UPF2: variants seen among roughly 807,000 people sequenced by gnomAD.
UPF2 encodes the protein UPF2 regulator of nonsense mediated mRNA decay.
In UPF2, 17 loss-of-function variants were observed where a neutral mutation model predicts 141.4. The ratio of observed to expected loss-of-function variants is 0.12; its 90% confidence interval spans 0.08 to 0.18. The LOEUF (loss-of-function observed/expected upper bound fraction) is 0.18, where lower values mean the gene tolerates loss of function less well. Ranked by LOEUF, UPF2 falls within the 10% of genes least tolerant of loss-of-function variation. UPF2 has a pLI of 1.00. For missense variants in UPF2, 1,152 were observed against 1,515.9 expected, an observed-to-expected ratio of 0.76 and a Z score of 3.99; for synonymous variants, 540 against 498.0, an observed-to-expected ratio of 1.08 and a Z score of -1.12.
At chr10:12,002,379 T>C (rs943983883) in intron 5 of UPF2, among the ~76,000 whole-genome samples, 2 of 152,174 alleles carry the variant, frequency 1.3e-5, no homozygotes, top group East Asian at 3.9e-4. Flanking sequence ...TGGAGAGAGA[T>C]TGTGTGGATG....
chr10:11,965,703 C>T (rs967863420), intron 10 of UPF2, among the ~76,000 whole-genome samples: 3 of 152,190 alleles, frequency 2.0e-5, no homozygotes, highest in South Asian at 2.1e-4. Flanking sequence ...TCATGATCTG[C>T]CCGCCTCGGC....
At chr10:12,015,100 T>C (rs1213704538) in intron 3 of UPF2, among the ~76,000 whole-genome samples, 1 of 152,248 alleles carries the variant, frequency 6.6e-6, no homozygotes, top group Non-Finnish European at 1.5e-5. Context: ...AAAATATCCA[T>C]GTGGTACTAT....
At chr10:12,024,817 C>T (rs924554128) in intron 3 of UPF2, among the ~76,000 whole-genome samples, 1 of 150,542 alleles carries the variant, frequency 6.6e-6, no homozygotes, top group Non-Finnish European at 1.5e-5. Context: ...CCTGTAGTCT[C>T]AGCTACTTGA....
At chr10:12,015,326 T>A (rs1188857211) in intron 3 of UPF2, among the ~76,000 whole-genome samples, 1 of 152,232 alleles carries the variant, frequency 6.6e-6, no homozygotes, top group African/African-American at 2.4e-5. Flanking sequence ...TGCCTATACT[T>A]ATTCTTCCCA....
chr10:11,994,972 T>A (rs1833841447), intron 8 of UPF2, among the ~76,000 whole-genome samples: 1 of 54,800 alleles, frequency 1.8e-5, no homozygotes, highest in Non-Finnish European at 3.1e-5. Flanking sequence ...TGAGACTCCA[T>A]CTCAAAAAAA....
intron 9 of UPF2, among the ~76,000 whole-genome samples, chr10:11,973,447 G>T (rs1450685626): frequency 6.6e-6 from 1 of 152,190 alleles, no homozygotes; most frequent in East Asian, 1.9e-4. Context: ...TTTTAGACAT[G>T]AAGTCCTTGT....
At chr10:12,033,074 G>A (rs1245740579) in intron 2 of UPF2, among the ~76,000 whole-genome samples, 1 of 152,176 alleles carries the variant, frequency 6.6e-6, no homozygotes, top group African/African-American at 2.4e-5. Flanking sequence ...CTGTTCTAGA[G>A]ATCTATACAA....
At position 11,948,450 on chromosome 10, in the gene UPF2, C is replaced by T; in HGVS notation, c.3093G>A (p.Glu1031=). The T allele has an allele frequency of 1.2e-6, 2 of 1,613,240 alleles. No homozygotes were observed. Among genetic ancestry groups the T allele is most frequent in the Non-Finnish European group, 1.7e-6 (2 of 1,179,902 alleles). The change falls in exon 16 of 22, where the codon GAG becomes GAA. Residue 1031 remains glutamate, a synonymous_variant. Transcript: ENST00000357604. ...CCCCACCTTCTTCTTCTTCTTCATC[C>T]TCTTCAAGATTTTCTCCTTCTGTCA... is the stretch of plus-strand genomic sequence containing the variant. The part of the protein sequence containing the change: ...DSMTEGENLE[E]DEEEEEGGAE...
intron 3 of UPF2, among the ~76,000 whole-genome samples, chr10:12,024,627 A>G (rs1216302387): frequency 1.3e-5 from 2 of 151,652 alleles, no homozygotes; most frequent in African/African-American, 4.8e-5. Context: ...TAATTAATTT[A>G]TTTATTAATT....
chr10:12,039,643 ATG>A lies in UPF2; in HGVS notation c.-19+3110_-19+3111del, dbSNP rs1834699922. 2.2e-5 allele frequency among the ~76,000 whole-genome samples: 3 copies of A among 136,654 alleles called. No individual in the cohort carries two copies. In the South Asian group the frequency reaches 6.8e-4, roughly 31 times the overall value. 89.7% of individuals were successfully genotyped at this position (136,654 alleles called of 152,430 possible). A position where few individuals can be genotyped will look rare whatever the true frequency, so the allele number is the denominator to read the frequency against. ...CTCTCTTTTTTTTTTTTTTTTTGAG[ATG>A]GAGTCTCACTCTGTCGCCAGGCTGG... On this transcript the variant is annotated intron_variant, in intron 1 of 21. Transcript: ENST00000357604.
intron 21 of UPF2, among the ~76,000 whole-genome samples, chr10:11,926,902 C>T (rs903533588): frequency 6.6e-6 from 1 of 152,206 alleles, no homozygotes; most frequent in East Asian, 1.9e-4. Flanking sequence ...ACACCGGTAA[C>T]CAGGTTAAGA....
chr10:12,041,286 G>T (rs1834730310), intron 1 of UPF2, among the ~76,000 whole-genome samples: 1 of 152,086 alleles, frequency 6.6e-6, no homozygotes. Flanking sequence ...AGAAAAAGTC[G>T]TGATCTTTTC....
At chr10:11,978,948 T>C in intron 9 of UPF2, 109 bp downstream of exon 9, 4 of 880,154 alleles carry the variant, frequency 4.5e-6, no homozygotes, top group Non-Finnish European at 5.3e-6. Context: ...TAAACTGTTA[T>C]ACCACTATCA....
intron 1 of UPF2, among the ~76,000 whole-genome samples, chr10:12,041,879 G>A (rs1359033659): frequency 1.3e-5 from 2 of 152,290 alleles, no homozygotes; most frequent in East Asian, 3.9e-4. Context: ...ATCGTTTCGT[G>A]TCGTGTAAGT....
rs924829493 is a variant in UPF2 at position 11,998,086 on chromosome 10, C to T, written c.1759-329G>A. 2.0e-5 allele frequency among the ~76,000 whole-genome samples: 3 copies of T among 152,128 alleles called. No homozygotes were observed. Among genetic ancestry groups the T allele is most frequent in the East Asian group, 1.9e-4 (1 of 5,194 alleles). On this transcript the variant is annotated intron_variant, in intron 7 of 21. Transcript: ENST00000357604. This position sits in a 1 kb window ranked among gnomAD's most constrained non-coding sequence, Gnocchi z 4.5. ...CACATTCACTAAAAAAGTTTAGTGT[C>T]GACAGTCAGATTTGGTAATGTTAGG...
Position 11,936,065 on chromosome 10 carries a change from T to C in UPF2, c.3546+480A>G, listed in dbSNP as rs1832845558. 6.6e-6 allele frequency among the ~76,000 whole-genome samples: 1 copy of C among 152,148 alleles called. No homozygotes were observed. Among genetic ancestry groups the C allele is most frequent in the African/African-American group, 2.4e-5 (1 of 41,442 alleles). On this transcript the variant is annotated intron_variant, in intron 19 of 21. Transcript: ENST00000357604. This position sits in a 1 kb window ranked among gnomAD's most constrained non-coding sequence, Gnocchi z 6.6. Reference sequence around the variant, plus strand: ...AGGTACTTACATATTCTTACAAACATGTATGATTTAAAACACATAAGGGGC... The same window carrying C: ...AGGTACTTACATATTCTTACAAACACGTATGATTTAAAACACATAAGGGGC...
In UPF2 at chr10:11,936,816, CA is replaced by C. The variant is rs1344226733; in HGVS notation, c.3379-105del. 1.8e-6 allele frequency: 2 copies of C among 1,119,292 alleles called. No homozygotes were observed. The highest frequency in any genetic ancestry group is 3.2e-5 in the African/African-American group (2 of 62,320). The allele number at this position is 1,119,292 out of a possible 1,614,324, so 69.3% of individuals were successfully genotyped here. On this transcript the variant is annotated intron_variant, in intron 18 of 21. Coordinates refer to ENST00000357604, the MANE Select transcript of UPF2 (RefSeq NM_015542.4). This position sits in a 1 kb window ranked among gnomAD's most constrained non-coding sequence, Gnocchi z 6.6. ...CAATGCTGTATTTCTTAAAACACAA[CA>C]ATCATAAGAGCCATAACAGTCAACA... is the stretch of plus-strand genomic sequence containing the variant.
At chr10:11,951,534 A>C (rs1381479609) in intron 15 of UPF2, among the ~76,000 whole-genome samples, 2 of 152,188 alleles carry the variant, frequency 1.3e-5, no homozygotes, top group African/African-American at 4.8e-5. Flanking sequence ...CAACCTCAGG[A>C]TACTAAAGTA....
chr10:11,948,532 G>A, intron 15 of UPF2, 24 bp from the exon 16 acceptor site: 1 of 1,605,412 alleles, frequency 6.2e-7, no homozygotes, highest in Non-Finnish European at 8.5e-7. Flanking sequence ...GGTGGAAATG[G>A]AAAAATACAT....
Sources: gnomAD v4.1 joint callset for allele counts (sites outside exome capture counted in the v4.1 genomes callset) on GRCh38, gnomAD v4.1.1 for gene constraint, Gnocchi (gnomAD v3.1) non-coding constraint, MANE v1.5 for transcripts, NCBI Gene and HGNC (gene_info 2026-07-23, HGNC 2026-07-21) for gene names.